The following RTL9 variants were observed in gnomAD, a reference collection of about 807,000 sequenced individuals.
RTL9 encodes retrotransposon Gag-like protein 9.
A neutral mutation model predicts 44.7 loss-of-function variants in RTL9; 19 were observed. The ratio of observed to expected loss-of-function variants is 0.42; its 90% CI spans 0.30 to 0.62. The LOEUF (loss-of-function observed/expected upper bound fraction) is 0.62. Ranked by LOEUF, RTL9 falls within the 20% of genes least tolerant of loss-of-function variation. The pLI is 0.16. For missense variants in RTL9, 1,105 were observed against 1,080.6 expected, an observed-to-expected ratio of 1.02 and a Z score of -0.32; for synonymous variants, 407 against 398.9, an observed-to-expected ratio of 1.02 and a Z score of -0.24.
chrX:110,374,345 G>A (rs2068360645), intron 1 of RTL9, among the ~76,000 whole-genome samples: 1 of 111,986 alleles, frequency 8.9e-6, no homozygotes, highest in Non-Finnish European at 1.9e-5. Context: ...TTAAAAAAAT[G>A]AATATGTTTT....
intron 1 of RTL9, among the ~76,000 whole-genome samples, chrX:110,407,725 T>C: frequency 8.9e-6 from 1 of 112,272 alleles, no homozygotes; most frequent in Non-Finnish European, 1.9e-5. Context: ...TTTGGGGCTA[T>C]CTGTGTGAGG....
chrX:110,428,642 C>T (rs1468760383), intron 1 of RTL9, among the ~76,000 whole-genome samples: 1 of 110,958 alleles, frequency 9.0e-6, no homozygotes, highest in Non-Finnish European at 1.9e-5. Context: ...CCACAGTCAC[C>T]CTATCCCTCC....
At chrX:110,441,351 T>C (rs926763783) in intron 1 of RTL9, among the ~76,000 whole-genome samples, 4 of 112,140 alleles carry the variant, frequency 3.6e-5, no homozygotes, top group Non-Finnish European at 7.5e-5. Context: ...TGCATCCACA[T>C]GCCTATGGCG....
At chrX:110,391,828 C>T (rs2068495749) in intron 1 of RTL9, among the ~76,000 whole-genome samples, 2 of 112,170 alleles carry the variant, frequency 1.8e-5, no homozygotes, top group African/African-American at 6.5e-5. Flanking sequence ...GCATCATCTT[C>T]CCCTTTTTTA....
chrX:110,451,268 T>TACAC lies in RTL9; in HGVS notation c.653_656dup (p.Gln219HisfsTer10). ...AAGATATGAATCCTGGAGTGATGTC[T>TACAC]ACACAGCCAGTGCCAGCTCCCAGCT... On this transcript the variant is annotated frameshift_variant, in exon 1 of 2. Coordinates refer to ENST00000540313, the Ensembl canonical transcript of RTL9. LOFTEE classifies it high-confidence loss of function. 2 of 1,211,600 alleles carry TACAC rather than the reference T, an allele frequency of 1.7e-6. No homozygotes were observed. Among genetic ancestry groups the TACAC allele is most frequent in the Non-Finnish European group, 2.2e-6 (2 of 895,408 alleles).
upstream of RTL9, among the ~76,000 whole-genome samples, chrX:110,418,364 C>T (rs989791123): frequency 1.8e-5 from 2 of 112,343 alleles, no homozygotes; most frequent in Admixed American, 9.4e-5. Flanking sequence ...TTCTACTGTG[C>T]TGAGAGCTGC....
At chrX:110,393,107 A>G (rs1211318096) in intron 1 of RTL9, among the ~76,000 whole-genome samples, 2 of 111,574 alleles carry the variant, frequency 1.8e-5, no homozygotes, top group Non-Finnish European at 3.8e-5. Flanking sequence ...CGGAGACTGC[A>G]TCTTCCACAA....
intron 1 of RTL9, among the ~76,000 whole-genome samples, chrX:110,410,946 G>C (rs1319345347): frequency 8.9e-6 from 1 of 112,075 alleles, no homozygotes; most frequent in Admixed American, 9.4e-5. Flanking sequence ...TTTAAAATTA[G>C]GCACTTCCTA....
At chrX:110,404,673 T>C (rs2068586319) in intron 1 of RTL9, among the ~76,000 whole-genome samples, 2 of 111,779 alleles carry the variant, frequency 1.8e-5, no homozygotes, top group African/African-American at 6.5e-5. Flanking sequence ...TTTGTGCGCA[T>C]CATGTGCCTT....
At chrX:110,374,872 GGC>G (rs1368320775) in intron 1 of RTL9, among the ~76,000 whole-genome samples, 4 of 110,848 alleles carry the variant, frequency 3.6e-5, no homozygotes, top group Non-Finnish European at 7.6e-5. Context: ...GATTATGGAG[GGC>G]CTAAGAAGCC....
intron 1 of RTL9, among the ~76,000 whole-genome samples, chrX:110,376,610 A>G (rs2068378487): frequency 8.9e-6 from 1 of 112,443 alleles, no homozygotes; most frequent in African/African-American, 3.2e-5. Flanking sequence ...GGCAGCACCA[A>G]CACTCAGAAG....
chrX:110,433,446 T>C (rs1208747569), intron 1 of RTL9, among the ~76,000 whole-genome samples: 3 of 110,830 alleles, frequency 2.7e-5, no homozygotes, highest in Admixed American at 1.9e-4. Flanking sequence ...TAGGAGAGGA[T>C]GGGAGGATGA....
chrX:110,391,259 C>T (rs1452292123), intron 1 of RTL9, among the ~76,000 whole-genome samples: 1 of 111,515 alleles, frequency 9.0e-6, no homozygotes, highest in East Asian at 2.8e-4. Flanking sequence ...TTCTGAGCTA[C>T]AATTGAGTAG....
chrX:110,374,871 G>A (rs1307220325), intron 1 of RTL9, among the ~76,000 whole-genome samples: 1 of 111,023 alleles, frequency 9.0e-6, no homozygotes, highest in Non-Finnish European at 1.9e-5. Flanking sequence ...AGATTATGGA[G>A]GGCCTAAGAA....
chrX:110,384,454 T>C (rs2068440992), intron 1 of RTL9, among the ~76,000 whole-genome samples: 2 of 111,904 alleles, frequency 1.8e-5, no homozygotes, highest in African/African-American at 6.5e-5. Flanking sequence ...TTAGTACATG[T>C]AAAACCTAGC....
chrX:110,427,385 T>C (rs766276477), intron 1 of RTL9, among the ~76,000 whole-genome samples: 1 of 111,979 alleles, frequency 8.9e-6, no homozygotes, highest in Admixed American at 9.4e-5. Flanking sequence ...TGGCAACTTC[T>C]TAAAGTTAGA....
rs2068643910 is a variant in RTL9, at chrX:110,411,869, A to G, written c.-167-33284A>G. Among the ~76,000 whole-genome samples the G allele has an allele frequency of 3.6e-5, 4 of 112,520 alleles. No homozygotes were observed. In the South Asian group the frequency reaches 1.5e-3, roughly 42 times the overall value. On this transcript the variant is annotated intron_variant, in intron 1 of 2. Coordinates refer to the RTL9 transcript ENST00000520821. Reference sequence around the variant, plus strand: ...ATGAAAGCTCAGGTTTTGCTTACTCACTATTATATTTCTAGTGCTAGACTG... The same window carrying G: ...ATGAAAGCTCAGGTTTTGCTTACTCGCTATTATATTTCTAGTGCTAGACTG...
At chrX:110,370,463 C>T (rs1338054671) in intron 1 of RTL9, among the ~76,000 whole-genome samples, 1 of 112,360 alleles carries the variant, frequency 8.9e-6, no homozygotes, top group Non-Finnish European at 1.9e-5. Flanking sequence ...CCCGCCTAGG[C>T]CTCCCAAAGT....
chrX:110,372,658 T>G (rs1415179744), intron 1 of RTL9, among the ~76,000 whole-genome samples: 1 of 112,251 alleles, frequency 8.9e-6, no homozygotes, highest in East Asian at 2.8e-4. Flanking sequence ...ATCTAATATT[T>G]TCACTGTTAA....
Sources: gnomAD v4.1 joint callset for allele counts (sites outside exome capture counted in the v4.1 genomes callset) on GRCh38, gnomAD v4.1.1 for gene constraint, MANE v1.5 for transcripts, NCBI Gene and HGNC (gene_info 2026-07-23, HGNC 2026-07-21) for gene names.